Variants in IFT140 observed in about 807,000 individuals in gnomAD.
IFT140 encodes intraflagellar transport protein 140 homolog.
A neutral mutation model predicts 164.6 loss-of-function variants in IFT140; 133 were observed. The observed-to-expected ratio is 0.81, with a 90% CI of 0.70 to 0.93. The LOEUF (loss-of-function observed/expected upper bound fraction) is 0.93. IFT140 is among the 40% of genes least tolerant of loss of function. The pLI is 0.00. For missense variants in IFT140, 2,045 were observed against 1,972.3 expected, an observed-to-expected ratio of 1.04 and a Z score of -0.70; for synonymous variants, 860 against 817.3, an observed-to-expected ratio of 1.05 and a Z score of -0.89.
intron 13 of IFT140, among the ~76,000 whole-genome samples, chr16:1,579,929 A>T (rs1878006239): frequency 1.4e-5 from 2 of 147,068 alleles, no homozygotes; most frequent in Admixed American, 1.4e-4. Flanking sequence ...ACGCCACTGT[A>T]CTCCAGCCTG....
At chr16:1,555,110 T>A (rs1161350351) in intron 19 of IFT140, 2 of 1,510,066 alleles carry the variant, frequency 1.3e-6, no homozygotes, top group African/African-American at 2.7e-5. Flanking sequence ...CCAAGTCACT[T>A]CCCCTGCTCG....
At chr16:1,524,106 G>T in intron 24 of IFT140, 150 bp from the exon 25 acceptor site, 1 of 1,003,274 alleles carries the variant, frequency 1.0e-6, no homozygotes, top group Non-Finnish European at 1.4e-6. Flanking sequence ...AGGAGCTGAT[G>T]ACTTACTGGG....
intron 30 of IFT140, among the ~76,000 whole-genome samples, chr16:1,513,893 T>C (rs2040261103): frequency 7.0e-6 from 1 of 142,862 alleles, no homozygotes. Flanking sequence ...CAAGATGGTC[T>C]CCATCTCCTG....
At chr16:1,565,187 C>T (rs2033643556) in intron 16 of IFT140, among the ~76,000 whole-genome samples, 4 of 152,142 alleles carry the variant, frequency 2.6e-5, no homozygotes, top group South Asian at 2.1e-4. Context: ...GTATGAGAAA[C>T]GCTGCGGACC....
chr16:1,548,505 C>T (rs2032359538), intron 19 of IFT140, among the ~76,000 whole-genome samples: 2 of 152,336 alleles, frequency 1.3e-5, no homozygotes, highest in South Asian at 4.1e-4. Flanking sequence ...GGAATTGATT[C>T]CATGGGCAGA....
intron 19 of IFT140, chr16:1,554,140 A>G: frequency 7.8e-7 from 1 of 1,286,998 alleles, no homozygotes. Context: ...GACACCAGAT[A>G]TAGCCAAGGA....
chr16:1,557,994 G>A lies in IFT140; in HGVS notation c.2340C>T (p.Ser780=). Residue 780 remains serine (S), a synonymous_variant, in exon 19 of 31, where the codon AGC becomes AGT. Transcript: ENST00000426508. ...CCATGTCTCCTATGGTGACAAAGAA[G>A]CTGAAGTGGAGCATGGCGTCCCGGG... ...KATRDAMLHF[S]FFVTIGDMDE... 6.2e-7 allele frequency: 1 copy of A among 1,613,976 alleles called. No homozygotes were observed. Among genetic ancestry groups the A allele is most frequent in the Non-Finnish European group, 8.5e-7 (1 of 1,180,046 alleles).
At chr16:1,527,567 C>G (rs532352687) in intron 19 of IFT140, among the ~76,000 whole-genome samples, 1 of 152,286 alleles carries the variant, frequency 6.6e-6, no homozygotes, top group African/African-American at 2.4e-5. Flanking sequence ...GTCACCCTGC[C>G]TCTTAGGGTT....
chr16:1,564,522 G>A lies in IFT140; in HGVS notation c.1902-360C>T, dbSNP rs944964507. 1.3e-5 allele frequency among the ~76,000 whole-genome samples: 2 copies of A among 152,162 alleles called. No homozygotes were observed. Among genetic ancestry groups the A allele is most frequent in the Non-Finnish European group, 2.9e-5 (2 of 68,032 alleles). ...GGTGGGATGGCACCCCCTGCTGGGC[G>A]GGGTCGAGGCTTTGGCTCTGTGGTC... is the stretch of plus-strand genomic sequence containing the variant. On this transcript the variant is annotated intron_variant, in intron 16 of 30. Transcript: ENST00000426508. This position sits in a 1 kb window ranked among gnomAD's most constrained non-coding sequence, Gnocchi z 5.5.
At chr16:1,566,577 T>G (rs2033730404) in intron 15 of IFT140, among the ~76,000 whole-genome samples, 1 of 152,160 alleles carries the variant, frequency 6.6e-6, no homozygotes, top group Admixed American at 6.5e-5. Flanking sequence ...TCCTCCCACC[T>G]CAGCCTCCCC....
Position 1,535,893 on chromosome 16 carries a change from T to C in IFT140, c.2400-9097A>G, listed in dbSNP as rs552864464. 4.1e-4 allele frequency among the ~76,000 whole-genome samples: 62 copies of C among 152,384 alleles called. No homozygotes were observed. The Middle Eastern group carries it at 0.01, about 25-fold the overall frequency. On this transcript the variant is annotated intron_variant, in intron 19 of 30. Coordinates refer to ENST00000426508, the MANE Select transcript of IFT140 (RefSeq NM_014714.4). ...CCGGCTCTCAGAACTCGGTGTCTTA[T>C]GGGAAGCCCGAGGCTTGGGTCTCCG...
intron 19 of IFT140, among the ~76,000 whole-genome samples, chr16:1,556,925 T>A (rs2033125759): frequency 1.3e-5 from 2 of 152,148 alleles, no homozygotes; most frequent in African/African-American, 4.8e-5. Flanking sequence ...TTCTCCCACC[T>A]CAGCCTTCTG....
chr16:1,603,522 C>T (rs566234067), intron 3 of IFT140, among the ~76,000 whole-genome samples: 18 of 151,944 alleles, frequency 1.2e-4, no homozygotes, highest in Admixed American at 9.8e-4. Flanking sequence ...CACTCTGTAG[C>T]CCAGGCTGGA....
At chr16:1,598,184 TGCG>T (rs1180340982) in intron 4 of IFT140, among the ~76,000 whole-genome samples, 1 of 151,240 alleles carries the variant, frequency 6.6e-6, no homozygotes, top group Non-Finnish European at 1.5e-5. Flanking sequence ...ACAAGCCGGG[TGCG>T]GTGGCTCACG....
chr16:1,523,970 G>A lies in IFT140; in HGVS notation c.3142-14C>T, dbSNP rs750177583. 4.3e-6 allele frequency: 7 copies of A among 1,609,366 alleles called. No individual in the cohort carries two copies. The highest frequency in any genetic ancestry group is 5.1e-6 in the Non-Finnish European group (6 of 1,179,510). Reference sequence around the variant, plus strand: ...CAGGCCGTTCTCCTGCAGGGAGGGAGGCAGGGCCCTGAAGCGGCTCCCACT... The same window carrying A: ...CAGGCCGTTCTCCTGCAGGGAGGGAAGCAGGGCCCTGAAGCGGCTCCCACT... On this transcript the variant is annotated splice_polypyrimidine_tract_variant and intron_variant, in intron 24 of 30. Coordinates refer to ENST00000426508, the MANE Select transcript of IFT140 (RefSeq NM_014714.4).
chr16:1,566,342 G>T (rs1425506757), intron 15 of IFT140, 51 bp from the exon 16 acceptor site: 1 of 1,601,324 alleles, frequency 6.2e-7, no homozygotes, highest in South Asian at 1.1e-5. Context: ...AGACCAGCGG[G>T]TTGGTGGGCT....
chr16:1,527,043 T>A (rs2040725387), intron 19 of IFT140: 1 of 514,668 alleles, frequency 1.9e-6, no homozygotes. Flanking sequence ...GACAGAAGGA[T>A]CTCTTATGCA....
chr16:1,530,346 T>C (rs1400722786), intron 19 of IFT140, among the ~76,000 whole-genome samples: 1 of 152,014 alleles, frequency 6.6e-6, no homozygotes, highest in Admixed American at 6.6e-5. Context: ...TTGGCCAGGA[T>C]GGTCTCGATC....
At chr16:1,511,812 G>A (rs529146542) in intron 30 of IFT140, among the ~76,000 whole-genome samples, 5 of 151,500 alleles carry the variant, frequency 3.3e-5, no homozygotes, top group East Asian at 3.9e-4. Context: ...TGTGCCAGGC[G>A]CTGTGCTGGG....
Sources: allele counts gnomAD v4.1 joint callset (sites outside exome capture counted in the v4.1 genomes callset), GRCh38; gene constraint gnomAD v4.1.1; non-coding constraint Gnocchi (gnomAD v3.1); transcripts MANE v1.5; gene names NCBI Gene and HGNC (gene_info 2026-07-23, HGNC 2026-07-21).